GRSF1: variants seen among roughly 807,000 people sequenced by gnomAD.
GRSF1 encodes the protein G-rich sequence factor 1.
A neutral mutation model predicts 51.1 loss-of-function variants in GRSF1; 50 were observed. The observed-to-expected ratio is 0.98, with a 90% CI of 0.78 to 1.24. GRSF1 has a LOEUF of 1.24. GRSF1 is among the 50% of genes most tolerant of loss of function. The probability of loss-of-function intolerance (pLI) is 0.00; values close to 1 mark genes in which losing one functional copy is unlikely to be tolerated. For synonymous variants in GRSF1, 293 were observed against 253.3 expected, an observed-to-expected ratio of 1.16 and a Z score of -1.49; for missense variants, 700 against 639.7, an observed-to-expected ratio of 1.09 and a Z score of -1.02.
rs915800049 is a variant in GRSF1 at position 70,825,483 on chromosome 4, C to T, written c.1258-52G>A. 1.8e-5 allele frequency: 26 copies of T among 1,484,310 alleles called. No homozygotes were observed. In the African/African-American group the frequency reaches 3.2e-4, roughly 18 times the overall value. 91.9% of individuals were successfully genotyped at this position (1,484,310 alleles called of 1,614,324 possible). ...AGGAACATGATGGATGTAAACCTACCTAGAAGTCTGGTGGCTCTTCATCTT... is the reference window on the plus strand; with the variant it reads ...AGGAACATGATGGATGTAAACCTACTTAGAAGTCTGGTGGCTCTTCATCTT... On this transcript the variant is annotated intron_variant, in intron 7 of 9. Coordinates refer to ENST00000254799, the MANE Select transcript of GRSF1 (RefSeq NM_002092.4).
intron 3 of GRSF1, among the ~76,000 whole-genome samples, 172 bp from the exon 4 acceptor site, chr4:70,832,622 G>A (rs1005616454): frequency 9.2e-5 from 14 of 152,086 alleles, no homozygotes; most frequent in Admixed American, 2.6e-4. Context: ...TTTACCATGC[G>A]GGCATAACTT....
intron 9 of GRSF1, among the ~76,000 whole-genome samples, chr4:70,822,082 G>GAA (rs887908416): frequency 8.3e-5 from 12 of 145,208 alleles, no homozygotes; most frequent in Non-Finnish European, 1.5e-4. Context: ...TACCTTATGG[G>GAA]AAAAAAAAAA....
rs953761072 is a variant in GRSF1 at position 70,825,362 on chromosome 4, C to T, written c.1327G>A (p.Ala443Thr). The T allele has an allele frequency of 1.9e-6, 3 of 1,612,298 alleles. No homozygotes were observed. Among genetic ancestry groups the T allele is most frequent in the Non-Finnish European group, 2.5e-6 (3 of 1,178,778 alleles). The change falls in exon 8 of 10, where the codon GCT becomes ACT. Residue 443 changes from alanine to threonine, a missense_variant. Transcript: ENST00000254799. Reference sequence around the variant, plus strand: ...TCATGGGTCTCAAAGTGCACATCAGCTTCTCCAGTGGCCTTCCCACTGGAG... The same window carrying T: ...TCATGGGTCTCAAAGTGCACATCAGTTTCTCCAGTGGCCTTCCCACTGGAG... Reference protein sequence around the residue: ...YSSSGKATGEADVHFETHEDA... With the variant: ...YSSSGKATGETDVHFETHEDA...
chr4:70,834,971 T>C (rs1299027499), intron 2 of GRSF1, among the ~76,000 whole-genome samples: 1 of 152,060 alleles, frequency 6.6e-6, no homozygotes, highest in Non-Finnish European at 1.5e-5. Context: ...TTGGCCCTGG[T>C]GTCTTCTTGT....
intron 5 of GRSF1, among the ~76,000 whole-genome samples, chr4:70,828,548 T>A (rs376888151): frequency 4.2e-5 from 5 of 118,362 alleles, no homozygotes; most frequent in African/African-American, 5.8e-5. Flanking sequence ...GAGGGGACTA[T>A]CTATTAAACC....
At chr4:70,838,070 TTAGC>T (rs1455007957) in intron 1 of GRSF1, among the ~76,000 whole-genome samples, 2 of 151,222 alleles carry the variant, frequency 1.3e-5, no homozygotes, top group African/African-American at 2.4e-5. Context: ...ATACAAAAAA[TTAGC>T]TGGGCGCAGT....
upstream of GRSF1, among the ~76,000 whole-genome samples, chr4:70,842,872 T>TA (rs1489863247): frequency 2.0e-5 from 3 of 152,024 alleles, no homozygotes; most frequent in East Asian, 1.9e-4. Context: ...CCGTATCTAC[T>TA]AAAAATACAA....
intron 5 of GRSF1, among the ~76,000 whole-genome samples, chr4:70,829,128 T>A (rs1012475577): frequency 5.3e-5 from 8 of 152,118 alleles, no homozygotes; most frequent in Non-Finnish European, 1.0e-4. Context: ...TGGGCTCAAG[T>A]GATCCTCCCA....
In GRSF1 at chr4:70,827,803, A is replaced by T. The variant is rs777635518; in HGVS notation, c.1135+49T>A. ...AAAAAAAAAAAAATCACAAAACCCA[A>T]AACATTCAAGATAGACCCAATGAGT... On this transcript the variant is annotated intron_variant, in intron 6 of 9. Transcript: ENST00000254799. The T allele has an allele frequency of 6.5e-6, 9 of 1,381,334 alleles. No homozygotes were observed. The Middle Eastern group carries it at 1.5e-3, about 227-fold the overall frequency. 85.6% of individuals were successfully genotyped at this position (1,381,334 alleles called of 1,614,324 possible).
chr4:70,834,039 A>C (rs1295437817), intron 2 of GRSF1, among the ~76,000 whole-genome samples: 1 of 152,140 alleles, frequency 6.6e-6, no homozygotes, highest in African/African-American at 2.4e-5. Flanking sequence ...GTGGTGGATC[A>C]CCTGAGGTCA....
chr4:70,830,778 A>G (rs1325753026), intron 5 of GRSF1, among the ~76,000 whole-genome samples: 1 of 151,648 alleles, frequency 6.6e-6, no homozygotes, highest in Non-Finnish European at 1.5e-5. Context: ...AGCCAAGATC[A>G]CACCACCGCA....
intron 4 of GRSF1, 76 bp downstream of exon 4, chr4:70,832,231 G>C: frequency 8.2e-7 from 1 of 1,223,178 alleles, no homozygotes; most frequent in Non-Finnish European, 1.2e-6. Flanking sequence ...CCAGAAACAG[G>C]CTCATCTAAG....
intron 5 of GRSF1, among the ~76,000 whole-genome samples, chr4:70,830,096 A>C (rs1323989198): frequency 1.3e-5 from 2 of 152,164 alleles, no homozygotes; most frequent in Non-Finnish European, 2.9e-5. Flanking sequence ...GCTTTTAAAA[A>C]GGGGGGAAGA....
At chr4:70,824,428 C>T in intron 8 of GRSF1, 60 bp from the exon 9 acceptor site, 1 of 861,346 alleles carries the variant, frequency 1.2e-6, no homozygotes, top group Non-Finnish European at 1.9e-6. Flanking sequence ...ATATTACAGC[C>T]ATTTTTCTCA....
upstream of GRSF1, among the ~76,000 whole-genome samples, chr4:70,840,826 G>T (rs761155239): frequency 1.3e-5 from 2 of 152,084 alleles, no homozygotes; most frequent in African/African-American, 4.8e-5. Flanking sequence ...GAGAGCTGTA[G>T]CACAAGTCTG....
intron 7 of GRSF1, chr4:70,825,654 G>A (rs535921089): frequency 1.4e-5 from 5 of 363,520 alleles, no homozygotes; most frequent in African/African-American, 2.1e-5. Flanking sequence ...TGCTCTCAGC[G>A]AGCATGGTGG....
In GRSF1 at chr4:70,826,104, G is replaced by C. The variant is rs772116673; in HGVS notation, c.1257+20C>G. 1 of 1,598,460 alleles carries C rather than the reference G, an allele frequency of 6.3e-7. No individual in the cohort carries two copies. Among genetic ancestry groups the C allele is most frequent in the South Asian group, 1.1e-5 (1 of 89,078 alleles). ...CTTTTGTTCAAATCTATTGAGATTG[G>C]ATATCTTACTGCCACACACGTTTAT... On this transcript the variant is annotated intron_variant, in intron 7 of 9. Transcript: ENST00000254799.
rs1733379128 is a variant in GRSF1, at chr4:70,818,115, TAC to T, written c.*2770_*2771del. On this transcript the variant is annotated 3_prime_UTR_variant, in exon 10 of 10. Transcript: ENST00000254799. ...GTGCAATGGTGTGATCTTGGCTCGC[TAC>T]AACCTCTGCCTCCCAGGTTCAAGCG... The T allele has an allele frequency of 6.6e-6, 1 of 152,324 alleles. No individual in the cohort carries two copies. The allele number at this position is 152,324 out of a possible 1,614,324, so 9.4% of individuals were successfully genotyped here. A position where few individuals can be genotyped will look rare whatever the true frequency, so the allele number is the denominator to read the frequency against.
At chr4:70,826,022 GA>G in intron 7 of GRSF1, 101 bp downstream of exon 7, 1 of 988,524 alleles carries the variant, frequency 1.0e-6, no homozygotes, top group Admixed American at 2.5e-5. Flanking sequence ...ATCCAACGCA[GA>G]AACACTATAT....
Sources: allele counts gnomAD v4.1 joint callset (sites outside exome capture counted in the v4.1 genomes callset), GRCh38; gene constraint gnomAD v4.1.1; transcripts MANE v1.5; gene names NCBI Gene and HGNC (gene_info 2026-07-23, HGNC 2026-07-21).